ZNF268: variants seen among roughly 807,000 people sequenced by gnomAD.
ZNF268 encodes zinc finger protein 3.
In ZNF268, 20 loss-of-function variants were observed where a neutral mutation model predicts 29.3. The observed-to-expected ratio is 0.68, with a 90% CI of 0.48 to 0.99. ZNF268 has a LOEUF of 0.99. Ranked by LOEUF, ZNF268 falls within the 50% of genes least tolerant of loss-of-function variation. ZNF268 has a pLI of 0.00. For synonymous variants in ZNF268, 429 were observed against 376.9 expected (o/e 1.14, Z -1.60); for missense variants, 1,240 against 1,121.6 (o/e 1.11, Z -1.51).
In ZNF268 at chr12:133,203,140, C is replaced by G. The variant is rs981384352; in HGVS notation, c.1454C>G (p.Ser485Ter). The G allele has an allele frequency of 1.3e-6, 2 of 1,537,560 alleles. No individual in the cohort carries two copies. Among genetic ancestry groups the G allele is most frequent in the Middle Eastern group, 3.3e-4 (2 of 5,988 alleles). The change falls in exon 6 of 6, where the codon TCA becomes TGA. Residue 485 changes from serine to a stop codon, truncating the protein, a stop_gained. Coordinates refer to ENST00000536435, the MANE Select transcript of ZNF268 (RefSeq NM_003415.3). LOFTEE classifies it low-confidence loss of function (END_TRUNC). ...IQCGKGFSLK[S>*]QLIVHQRSHT... ...TGTGGTAAAGGATTCAGTTTGAAAT[C>G]ACAGCTCATTGTACATCAGAGAAGT...
rs1262538599 is a variant in ZNF268 at position 133,205,684 on chromosome 12, C to G, written c.*1154C>G. 6.6e-6 allele frequency: 1 copy of G among 152,228 alleles called. No individual in the cohort carries two copies. The highest frequency in any genetic ancestry group is 2.4e-5 in the African/African-American group (1 of 41,466). 9.4% of individuals were successfully genotyped at this position (152,228 alleles called of 1,614,324 possible). A position where few individuals can be genotyped will look rare whatever the true frequency, so the allele number is the denominator to read the frequency against. ...TGCCCTTTGGAAGCAGTCTTGGCAG[C>G]AACCTCTTTAGTAATCAATATAAGG... is the stretch of plus-strand genomic sequence containing the variant. On this transcript the variant is annotated 3_prime_UTR_variant, in exon 6 of 6. Transcript: ENST00000536435.
In ZNF268 at chr12:133,182,047, T is replaced by C; in HGVS notation, c.33+17T>C. The C allele has an allele frequency of 6.4e-7, 1 of 1,556,218 alleles. No individual in the cohort carries two copies. The highest frequency in any genetic ancestry group is 8.7e-7 in the Non-Finnish European group (1 of 1,149,494). On this transcript the variant is annotated intron_variant, in intron 2 of 5. Transcript: ENST00000536435. ...TCTATTTGGGTGAGTAGGGGTTTTC[T>C]TTCATTCTTGAAAAGCTCTCCCTGA... is the stretch of plus-strand genomic sequence containing the variant.
At chr12:133,194,741 C>T (rs566471429) in intron 5 of ZNF268, among the ~76,000 whole-genome samples, 1 of 152,304 alleles carries the variant, frequency 6.6e-6, no homozygotes, top group East Asian at 1.9e-4. Flanking sequence ...AAGCACATCA[C>T]CTAGATGGGG....
rs535686848 is a variant in ZNF268, at chr12:133,199,574, T to C, written c.458-2570T>C. Among the ~76,000 whole-genome samples the C allele has an allele frequency of 3.5e-3, 537 of 152,020 alleles. 5 individuals are homozygous for C. Among genetic ancestry groups the C allele is most frequent in the African/African-American group, 0.012 (511 of 41,504 alleles). On this transcript the variant is annotated intron_variant, in intron 5 of 5. Transcript: ENST00000536435. ...AGAAAATGAGTTAGGGAGGATTCCC[T>C]CTTTTTCTATTGATTGGAATAGTTT...
chr12:133,186,855 A>G (rs1454783451), intron 2 of ZNF268, among the ~76,000 whole-genome samples: 1 of 152,250 alleles, frequency 6.6e-6, no homozygotes, highest in East Asian at 1.9e-4. Flanking sequence ...TCCCATTTAT[A>G]TGGCACACAC....
Position 133,202,925 on chromosome 12 carries a change from G to A in ZNF268, c.1239G>A (p.Glu413=). The change falls in exon 6 of 6, where the codon GAG becomes GAA. Residue 413 remains glutamate (E), a synonymous_variant. Coordinates refer to ENST00000536435, the MANE Select transcript of ZNF268 (RefSeq NM_003415.3). ...LIIHERIHTG[E]KPYECNECQK... ...TACATGAAAGAATTCATACAGGAGA[G>A]AAACCATATGAATGCAATGAATGTC... 14 of 1,545,436 alleles carry A rather than the reference G, an allele frequency of 9.1e-6. No individual in the cohort carries two copies. The highest frequency in any genetic ancestry group is 1.2e-5 in the Non-Finnish European group (14 of 1,149,622).
intron 2 of ZNF268, 51 bp downstream of exon 2, chr12:133,182,081 G>T: frequency 6.5e-7 from 1 of 1,535,766 alleles, no homozygotes; most frequent in Non-Finnish European, 8.8e-7. Context: ...GAATGCCAAC[G>T]TGTGCGCACT....
At position 133,191,624 on chromosome 12, in the gene ZNF268, T is replaced by C. The variant is rs180736651; in HGVS notation, c.361+9T>C. On this transcript the variant is annotated intron_variant, in intron 4 of 5. Coordinates refer to ENST00000536435, the MANE Select transcript of ZNF268 (RefSeq NM_003415.3). Reference sequence around the variant, plus strand: ...CAACCTGGTGTCCCTAGGTAAGTGCTGCCTCCCTGAGGAGGAGTGTGCTCG... The same window carrying C: ...CAACCTGGTGTCCCTAGGTAAGTGCCGCCTCCCTGAGGAGGAGTGTGCTCG... The C allele has an allele frequency of 4.4e-3, 7,112 of 1,613,620 alleles. 28 individuals carry two copies. The highest frequency in any genetic ancestry group is 5.4e-3 in the Non-Finnish European group (6,319 of 1,179,714).
chr12:133,194,180 A>G (rs888802422), intron 5 of ZNF268, among the ~76,000 whole-genome samples: 2 of 152,198 alleles, frequency 1.3e-5, no homozygotes, highest in African/African-American at 4.8e-5. Flanking sequence ...ACTGTCAGAT[A>G]TATTTCCCTG....
At position 133,208,617 on chromosome 12, in the gene ZNF268, T is replaced by A. The variant is rs1675930052; in HGVS notation, c.*4087T>A. ...CTACAGTGAGCTATGATCATGCCCCTGCACTCCATCCTGGGCAACAAAGTG... is the reference window on the plus strand; with the variant it reads ...CTACAGTGAGCTATGATCATGCCCCAGCACTCCATCCTGGGCAACAAAGTG... On this transcript the variant is annotated 3_prime_UTR_variant, in exon 6 of 6. Transcript: ENST00000536435. 6.6e-6 allele frequency: 1 copy of A among 152,206 alleles called. No individual in the cohort carries two copies. Among genetic ancestry groups the A allele is most frequent in the African/African-American group, 2.4e-5 (1 of 41,424 alleles). The allele number at this position is 152,206 out of a possible 1,614,324, so 9.4% of individuals were successfully genotyped here.
chr12:133,186,816 C>A (rs1593876574), intron 2 of ZNF268, among the ~76,000 whole-genome samples: 1 of 152,168 alleles, frequency 6.6e-6, no homozygotes, highest in Non-Finnish European at 1.5e-5. Context: ...GTGAAAGAAG[C>A]CAGACACAAA....
Position 133,210,438 on chromosome 12 carries a change from A to G in ZNF268, c.*5908A>G. On this transcript the variant is annotated 3_prime_UTR_variant, in exon 6 of 6. Coordinates refer to ENST00000536435, the MANE Select transcript of ZNF268 (RefSeq NM_003415.3). ...CCCCAGGTTGGTCCTGAGGAGAAGGAAGCTCAGAACCTCACTGTGGATTTG... is the reference window on the plus strand; with the variant it reads ...CCCCAGGTTGGTCCTGAGGAGAAGGGAGCTCAGAACCTCACTGTGGATTTG... 5.2e-6 allele frequency: 1 copy of G among 190,562 alleles called. No homozygotes were observed. Among genetic ancestry groups the G allele is most frequent in the Non-Finnish European group, 1.1e-5 (1 of 89,946 alleles). 11.8% of individuals were successfully genotyped at this position (190,562 alleles called of 1,614,324 possible). A position where few individuals can be genotyped will look rare whatever the true frequency, so the allele number is the denominator to read the frequency against.
chr12:133,186,735 A>G (rs963301144), intron 2 of ZNF268, among the ~76,000 whole-genome samples: 2 of 152,168 alleles, frequency 1.3e-5, no homozygotes, highest in Non-Finnish European at 2.9e-5. Flanking sequence ...ATGGAATACT[A>G]TTCACCAACA....
In ZNF268 at chr12:133,203,772, T is replaced by C; in HGVS notation, c.2086T>C (p.Tyr696His). 6.4e-7 allele frequency: 1 copy of C among 1,563,796 alleles called. No individual in the cohort carries two copies. Among genetic ancestry groups the C allele is most frequent in the Non-Finnish European group, 8.6e-7 (1 of 1,161,254 alleles). Residue 696 changes from tyrosine (Y) to histidine (H), a missense_variant, in exon 6 of 6, where the codon TAT becomes CAT. Tyr to His is a moderately conservative substitution (Grantham distance 83). Transcript: ENST00000536435. ...GAGAAGTCACACAGGAGTAAAACCA[T>C]ATGGATGCAGTGAGTGTGGGAAAGC... Reference protein sequence around the residue: ...HQRSHTGVKPYGCSECGKAFR... With the variant: ...HQRSHTGVKPHGCSECGKAFR...
intron 5 of ZNF268, among the ~76,000 whole-genome samples, chr12:133,193,936 A>T (rs997166606): frequency 2.1e-4 from 32 of 151,910 alleles, no homozygotes; most frequent in African/African-American, 7.0e-4. Flanking sequence ...TTTAAATTCT[A>T]AGTTTTTTTT....
intron 2 of ZNF268, among the ~76,000 whole-genome samples, chr12:133,184,330 C>T (rs1593869233): frequency 1.3e-5 from 2 of 152,026 alleles, no homozygotes; most frequent in East Asian, 3.9e-4. Context: ...TGACCTCGAT[C>T]TCCTGACCTC....
At chr12:133,198,546 AAGT>A (rs1404323215) in intron 5 of ZNF268, among the ~76,000 whole-genome samples, 1 of 152,008 alleles carries the variant, frequency 6.6e-6, no homozygotes, top group East Asian at 1.9e-4. Flanking sequence ...ATGAACTTTA[AAGT>A]AGTTTTTTTC....
intron 5 of ZNF268, among the ~76,000 whole-genome samples, chr12:133,195,957 G>T (rs916969045): frequency 1.4e-5 from 2 of 147,822 alleles, no homozygotes; most frequent in African/African-American, 2.5e-5. Flanking sequence ...AGGTGATCCC[G>T]CCTCAGCCTC....
intron 3 of ZNF268, 189 bp downstream of exon 3, chr12:133,188,261 A>G (rs1593881245): frequency 5.2e-6 from 3 of 572,868 alleles, no homozygotes; most frequent in African/African-American, 1.9e-5. Context: ...CAGTGGTGCA[A>G]TCATAACTCA....
Sources: allele counts gnomAD v4.1 joint callset (sites outside exome capture counted in the v4.1 genomes callset), GRCh38; gene constraint gnomAD v4.1.1; transcripts MANE v1.5; gene names NCBI Gene and HGNC (gene_info 2026-07-23, HGNC 2026-07-21).